Variants in PCDH9 observed in about 807,000 individuals in gnomAD.
PCDH9 encodes protocadherin-9.
In PCDH9, 24 loss-of-function variants were observed where a neutral mutation model predicts 70.6. The observed-to-expected ratio is 0.34, with a 90% CI of 0.25 to 0.48. The LOEUF (loss-of-function observed/expected upper bound fraction) is 0.48. PCDH9 is among the 20% of genes least tolerant of loss of function. PCDH9 has a pLI of 0.99. For synonymous variants in PCDH9, 562 were observed against 558.5 expected, an observed-to-expected ratio of 1.01 and a Z score of -0.09; for missense variants, 1,281 against 1,503.6, an observed-to-expected ratio of 0.85 and a Z score of 2.45.
intron 3 of PCDH9, among the ~76,000 whole-genome samples, chr13:66,855,259 G>A (rs1214603002): frequency 6.6e-6 from 1 of 152,084 alleles, no homozygotes; most frequent in Non-Finnish European, 1.5e-5. Context: ...TGAGAAAGAT[G>A]TCATTTCTCT....
At chr13:66,665,218 C>T (rs371323182) in intron 3 of PCDH9, among the ~76,000 whole-genome samples, 6 of 151,734 alleles carry the variant, frequency 4.0e-5, no homozygotes, top group African/African-American at 1.4e-4. Flanking sequence ...GCAATTCTCC[C>T]GCCTCAGCCT....
intron 2 of PCDH9, among the ~76,000 whole-genome samples, chr13:66,917,462 A>C (rs1237973140): frequency 6.6e-6 from 1 of 151,540 alleles, no homozygotes; most frequent in Non-Finnish European, 1.5e-5. Flanking sequence ...TTTGATTATC[A>C]TAATCAGAAA....
intron 4 of PCDH9, among the ~76,000 whole-genome samples, chr13:66,376,046 T>A (rs1482943707): frequency 2.0e-5 from 3 of 152,132 alleles, no homozygotes; most frequent in Non-Finnish European, 2.9e-5. Context: ...CAATTCAAAG[T>A]TTCCTACCCA....
chr13:66,430,661 C>G (rs1193061292), intron 4 of PCDH9, among the ~76,000 whole-genome samples: 3 of 152,026 alleles, frequency 2.0e-5, no homozygotes, highest in Non-Finnish European at 2.9e-5. Flanking sequence ...CTGCTATTCA[C>G]TCTGGGATAA....
At chr13:66,597,096 T>C (rs1363432089) in intron 4 of PCDH9, among the ~76,000 whole-genome samples, 1 of 151,716 alleles carries the variant, frequency 6.6e-6, no homozygotes, top group Non-Finnish European at 1.5e-5. Context: ...CAGCTGACCA[T>C]CTATGTCTTT....
At chr13:66,460,586 T>C (rs1476954332) in intron 4 of PCDH9, among the ~76,000 whole-genome samples, 1 of 151,886 alleles carries the variant, frequency 6.6e-6, no homozygotes, top group African/African-American at 2.4e-5. Context: ...CTGCAAAGCA[T>C]TGAATGGTTG....
At chr13:67,028,350 T>C (rs1272367144) in intron 2 of PCDH9, among the ~76,000 whole-genome samples, 2 of 132,958 alleles carry the variant, frequency 1.5e-5, no homozygotes, top group Non-Finnish European at 3.1e-5. Flanking sequence ...TTCTCACTCA[T>C]AGGTGGGAAT....
chr13:66,756,428 T>G (rs946212160), intron 3 of PCDH9, among the ~76,000 whole-genome samples: 1 of 152,194 alleles, frequency 6.6e-6, no homozygotes, highest in African/African-American at 2.4e-5. Context: ...CACCACTGTT[T>G]ACAATTAAAG....
chr13:66,927,190 C>G (rs924600759), intron 2 of PCDH9, among the ~76,000 whole-genome samples: 1 of 151,950 alleles, frequency 6.6e-6, no homozygotes, highest in African/African-American at 2.4e-5. Flanking sequence ...TAATGAAGTC[C>G]CATAGACCGG....
intron 4 of PCDH9, among the ~76,000 whole-genome samples, chr13:66,616,394 T>G (rs1190373101): frequency 2.7e-5 from 2 of 73,306 alleles, no homozygotes; most frequent in Admixed American, 3.8e-4. Flanking sequence ...CTCATTCCTA[T>G]CAGAAGTTTT....
chr13:66,975,886 G>A (rs535511980), intron 2 of PCDH9, among the ~76,000 whole-genome samples: 46 of 152,142 alleles, frequency 3.0e-4, no homozygotes, highest in African/African-American at 1.1e-3. Flanking sequence ...ACTTTACAAT[G>A]AGTGGAAAGT....
chr13:66,957,627 GC>G (rs1232121020), intron 2 of PCDH9, among the ~76,000 whole-genome samples: 2 of 152,094 alleles, frequency 1.3e-5, no homozygotes, highest in African/African-American at 2.4e-5. Context: ...TGAAAATGGG[GC>G]CCTCATGATG....
chr13:66,723,945 C>G (rs180677254), intron 3 of PCDH9, among the ~76,000 whole-genome samples: 1 of 152,262 alleles, frequency 6.6e-6, no homozygotes, highest in Non-Finnish European at 1.5e-5. Context: ...ATGTAAAGTA[C>G]ATGGTTTTCC....
intron 4 of PCDH9, among the ~76,000 whole-genome samples, chr13:66,367,327 C>T (rs540692474): frequency 1.8e-4 from 28 of 152,076 alleles, no homozygotes; most frequent in Admixed American, 1.6e-3. Context: ...CAGTGGTAAA[C>T]GTAACAGACA....
intron 3 of PCDH9, among the ~76,000 whole-genome samples, chr13:66,648,100 T>C (rs1423138827): frequency 1.3e-5 from 2 of 152,298 alleles, no homozygotes; most frequent in South Asian, 4.1e-4. Context: ...CCAGACAACA[T>C]CCCTGAATCT....
At chr13:66,817,037 A>G (rs1298130733) in intron 3 of PCDH9, among the ~76,000 whole-genome samples, 4 of 151,926 alleles carry the variant, frequency 2.6e-5, no homozygotes, top group African/African-American at 9.7e-5. Context: ...AATAAAAAAT[A>G]AAAATTTAAA....
In PCDH9 at chr13:66,818,807, G is replaced by T. The variant is rs140755990; in HGVS notation, c.3138+84697C>A. 8.7e-3 allele frequency among the ~76,000 whole-genome samples: 1,321 copies of T among 152,090 alleles called. 19 individuals are homozygous for T. The highest frequency in any genetic ancestry group is 0.03 in the African/African-American group (1,246 of 41,498). ...AAATTAGCCGGGCGAGGTGGCGGGC[G>T]CCTATAGTCCCAGCTACACGGGAGG... On this transcript the variant is annotated intron_variant, in intron 3 of 4. Transcript: ENST00000377865.
intron 4 of PCDH9, among the ~76,000 whole-genome samples, chr13:66,352,155 C>T (rs1008280645): frequency 5.9e-5 from 9 of 152,138 alleles, no homozygotes; most frequent in Admixed American, 2.0e-4. Context: ...ATTTCTTATG[C>T]TGCATCTTTT....
Position 67,228,134 on chromosome 13 carries a change from A to G in PCDH9, c.307T>C (p.Tyr103His), listed in dbSNP as rs371982321. 1.0e-4 allele frequency: 164 copies of G among 1,613,892 alleles called. No individual in the cohort carries two copies. Among genetic ancestry groups the G allele is most frequent in the Non-Finnish European group, 1.3e-4 (155 of 1,179,868 alleles). Residue 103 changes from tyrosine (Y) to histidine (H), a missense_variant, in exon 2 of 5, where the codon TAT becomes CAT. Around this residue, in one of 4 missense-constraint regions of PCDH9, gnomAD observed 798 missense variants for 1,003.1 expected, o/e 0.80. Transcript: ENST00000377865. The part of the protein sequence containing the change: ...DREKLCAGAS[Y>H]AEENECFFEL... ...AAGAAACACTCATTCTCCTCAGCAT[A>G]TGAGGCGCCAGCACAGAGTTTTTCT...
Sources: allele counts gnomAD v4.1 joint callset (sites outside exome capture counted in the v4.1 genomes callset), GRCh38; gene constraint gnomAD v4.1.1; regional missense constraint gnomAD v4.1.1; transcripts MANE v1.5; gene names NCBI Gene and HGNC (gene_info 2026-07-23, HGNC 2026-07-21).